The following PIGZ variants were observed in gnomAD, a reference collection of about 807,000 sequenced individuals.
PIGZ encodes GPI alpha-1,2-mannosyltransferase 4.
In PIGZ, 16 loss-of-function variants were observed where a neutral mutation model predicts 16.4. The ratio of observed to expected loss-of-function variants is 0.97; its 90% confidence interval spans 0.66 to 1.48. The LOEUF is 1.48. PIGZ is among the 40% of genes most tolerant of loss of function. PIGZ has a pLI of 0.00. For missense variants in PIGZ, 770 were observed against 739.2 expected (o/e 1.04, Z -0.48); for synonymous variants, 409 against 338.4 (o/e 1.21, Z -2.29).
At position 196,947,810 on chromosome 3, in the gene PIGZ, G is replaced by T. The variant is rs1336231153; in HGVS notation, c.1087C>A (p.Leu363Met). The T allele has an allele frequency of 6.2e-7, 1 of 1,608,126 alleles. No individual in the cohort carries two copies. The highest frequency in any genetic ancestry group is 8.5e-7 in the Non-Finnish European group (1 of 1,176,214). ...AGGAGATAGGACCTGGGGCTGGACA[G>T]CAGGCTCCGGGCACCCAGTGCCCTC... ...LLRALGARSL[L>M]SSPRSYLLLL... is the part of the protein sequence containing the mutation. Residue 363 changes from leucine (L) to methionine (M), a missense_variant, in exon 3 of 3, where the codon CTG (leucine) becomes ATG (methionine). Physicochemically the swap from Leu to Met is conservative, Grantham distance 15 (BLOSUM62 2). Transcript: ENST00000412723.
intron 1 of PIGZ, among the ~76,000 whole-genome samples, chr3:196,962,583 C>T (rs1244585902): frequency 1.3e-5 from 2 of 151,248 alleles, no homozygotes; most frequent in African/African-American, 2.4e-5. Context: ...CCTGATCGTA[C>T]ATTCTATTTA....
intron 1 of PIGZ, among the ~76,000 whole-genome samples, chr3:196,961,235 G>A (rs934730783): frequency 6.6e-6 from 1 of 152,208 alleles, no homozygotes; most frequent in African/African-American, 2.4e-5. Flanking sequence ...GGTCTCCTGA[G>A]TCCTCACTTT....
In PIGZ at chr3:196,946,620, C is replaced by T. The variant is rs1716887858; in HGVS notation, c.*537G>A. 6.6e-6 allele frequency: 1 copy of T among 152,374 alleles called. No homozygotes were observed. Among genetic ancestry groups the T allele is most frequent in the African/African-American group, 2.4e-5 (1 of 41,446 alleles). The allele number at this position is 152,374 out of a possible 1,614,324, so 9.4% of individuals were successfully genotyped here. A position where few individuals can be genotyped will look rare whatever the true frequency, so the allele number is the denominator to read the frequency against. ...TGAGTGGAAGGAGCTTTCTCAAGATCACACAGCGAGGAGGTGACAGACCAA... is the reference window on the plus strand; with the variant it reads ...TGAGTGGAAGGAGCTTTCTCAAGATTACACAGCGAGGAGGTGACAGACCAA... On this transcript the variant is annotated 3_prime_UTR_variant, in exon 3 of 3. Transcript: ENST00000412723.
chr3:196,950,889 C>T (rs981136550), intron 2 of PIGZ, among the ~76,000 whole-genome samples: 12 of 152,214 alleles, frequency 7.9e-5, no homozygotes, highest in African/African-American at 1.7e-4. Context: ...GGATTACAGG[C>T]GCCTGCCACC....
chr3:196,952,107 G>A, intron 1 of PIGZ, 76 bp from the exon 2 acceptor site: 1 of 1,320,610 alleles, frequency 7.6e-7, no homozygotes, highest in Non-Finnish European at 1.1e-6. Context: ...ACTGAAAATG[G>A]ATCTGTCATT....
At chr3:196,948,842 T>TCTCCCTCC (rs1717073132) in intron 2 of PIGZ, among the ~76,000 whole-genome samples, 157 bp from the exon 3 acceptor site, 1 of 128,036 alleles carries the variant, frequency 7.8e-6, no homozygotes, top group Non-Finnish European at 1.6e-5. Context: ...TCCCTCCCTC[T>TCTCCCTCC]CTCCCTCCTT....
In PIGZ at chr3:196,948,455, C is replaced by G. The variant is rs933533105; in HGVS notation, c.442G>C (p.Ala148Pro). 2 of 1,613,822 alleles carry G rather than the reference C, an allele frequency of 1.2e-6. No individual in the cohort carries two copies. Among genetic ancestry groups the G allele is most frequent in the Non-Finnish European group, 1.7e-6 (2 of 1,179,942 alleles). The part of the protein sequence containing the change: ...FALDGAVYHL[A>P]PPMGADRWNA... Reference sequence around the variant, plus strand: ...CAGCGATCCGCCCCCATCGGCGGGGCCAGGTGGTACACGGCCCCGTCCAGA... The same window carrying G: ...CAGCGATCCGCCCCCATCGGCGGGGGCAGGTGGTACACGGCCCCGTCCAGA... The change falls in exon 3 of 3, where the codon GCC becomes CCC. Residue 148 changes from alanine (A) to proline (P), a missense_variant. Physicochemically the swap from Ala to Pro is conservative, Grantham distance 27 (BLOSUM62 -1). Transcript: ENST00000412723.
chr3:196,952,261 G>A (rs1028465775), intron 1 of PIGZ, among the ~76,000 whole-genome samples: 3 of 152,160 alleles, frequency 2.0e-5, no homozygotes, highest in Non-Finnish European at 4.4e-5. Context: ...ATGGGGAAAC[G>A]GAGGCCTCTG....
chr3:196,956,540 A>G (rs1252826836), intron 1 of PIGZ, among the ~76,000 whole-genome samples: 2 of 152,244 alleles, frequency 1.3e-5, no homozygotes, highest in African/African-American at 4.8e-5. Context: ...GCATGTGGGA[A>G]TTATGGGAGC....
Position 196,947,232 on chromosome 3 carries a change from G to A in PIGZ, c.1665C>T (p.Ala555=), listed in dbSNP as rs975713047. 6.2e-7 allele frequency: 1 copy of A among 1,610,198 alleles called. No homozygotes were observed. The highest frequency in any genetic ancestry group is 8.5e-7 in the Non-Finnish European group (1 of 1,177,912). The part of the protein sequence containing the change: ...FPHLTLEDPP[A]LSSLLSGAWR... ...AAGCCCCACTCAGCAAGGAGGACAG[G>A]GCTGGTGGATCCTCCAGGGTCAGAT... Residue 555 remains alanine (A), a synonymous_variant, in exon 3 of 3, where the codon GCC becomes GCT. Transcript: ENST00000412723.
At chr3:196,957,165 C>T (rs931844441) in intron 1 of PIGZ, among the ~76,000 whole-genome samples, 3 of 134,284 alleles carry the variant, frequency 2.2e-5, no homozygotes, top group Non-Finnish European at 3.1e-5. Flanking sequence ...TTTTTGGCTC[C>T]AGGTTTTGTG....
At chr3:196,953,073 A>G (rs1190810941) in intron 1 of PIGZ, among the ~76,000 whole-genome samples, 1 of 152,200 alleles carries the variant, frequency 6.6e-6, no homozygotes, top group African/African-American at 2.4e-5. Flanking sequence ...CTGGTTCTCC[A>G]GCTTGCAGGT....
At position 196,965,295 on chromosome 3, in the gene PIGZ, C is replaced by G. The variant is rs1434870384; in HGVS notation, c.-1+3392G>C. ...AAGCAGGCACCTCTTCACAAGGTGG[C>G]AAGAGAGAGTGTGAGTGGAGGAAAT... On this transcript the variant is annotated intron_variant, in intron 1 of 2. Transcript: ENST00000412723. This position sits in a 1 kb window ranked among gnomAD's most constrained non-coding sequence, Gnocchi z 4.2. Among the ~76,000 whole-genome samples, 1 of 152,126 alleles carries G rather than the reference C, an allele frequency of 6.6e-6. No homozygotes were observed. Among genetic ancestry groups the G allele is most frequent in the Non-Finnish European group, 1.5e-5 (1 of 68,026 alleles).
intron 2 of PIGZ, among the ~76,000 whole-genome samples, chr3:196,949,230 G>A (rs1025982304): frequency 1.1e-4 from 17 of 151,736 alleles, no homozygotes; most frequent in African/African-American, 1.9e-4. Context: ...CACCTGGCCC[G>A]CAGGATGGAC....
In PIGZ at chr3:196,951,865, T is replaced by C. The variant is rs947342964; in HGVS notation, c.167A>G (p.Tyr56Cys). Residue 56 changes from tyrosine to cysteine, a missense_variant, in exon 2 of 3, where the codon TAT (tyrosine) becomes TGT (cysteine). By Grantham distance (194) the Tyr-to-Cys change is radical. Coordinates refer to ENST00000412723, the MANE Select transcript of PIGZ (RefSeq NM_025163.4). The part of the protein sequence containing the change: ...VLWCLLPQTG[Y>C]VHPDEFFQSP... ...CTGGAAGAACTCATCTGGGTGCACA[T>C]AGCCCGTCTGCGGAAGGAGACACCA... The C allele has an allele frequency of 3.1e-6, 5 of 1,614,036 alleles. No individual in the cohort carries two copies. In the African/African-American group the frequency reaches 5.3e-5, roughly 17 times the overall value.
At chr3:196,963,227 C>A (rs562266924) in intron 1 of PIGZ, among the ~76,000 whole-genome samples, 2 of 152,314 alleles carry the variant, frequency 1.3e-5, no homozygotes, top group African/African-American at 4.8e-5. Context: ...TGAGTTGTTT[C>A]CATGTTTTGG....
chr3:196,960,442 CG>C (rs1717663347), intron 1 of PIGZ, among the ~76,000 whole-genome samples: 1 of 151,954 alleles, frequency 6.6e-6, no homozygotes, highest in Non-Finnish European at 1.5e-5. Context: ...GAGGCCGAGG[CG>C]GGTGGATCAC....
chr3:196,954,331 A>G (rs573354536), intron 1 of PIGZ, among the ~76,000 whole-genome samples: 2 of 152,352 alleles, frequency 1.3e-5, no homozygotes, highest in Non-Finnish European at 2.9e-5. Flanking sequence ...GTTGTTAACT[A>G]TAGTTACCCT....
At chr3:196,955,507 A>G (rs1717442112) in intron 1 of PIGZ, among the ~76,000 whole-genome samples, 1 of 150,872 alleles carries the variant, frequency 6.6e-6, no homozygotes, top group South Asian at 2.1e-4. Context: ...GTTGCTATAC[A>G]CACTTTTTGG....
Sources: gnomAD v4.1 joint callset for allele counts (sites outside exome capture counted in the v4.1 genomes callset) on GRCh38, gnomAD v4.1.1 for gene constraint, Gnocchi (gnomAD v3.1) non-coding constraint, MANE v1.5 for transcripts, NCBI Gene and HGNC (gene_info 2026-07-23, HGNC 2026-07-21) for gene names.